Variants in ERICH6B observed in about 807,000 individuals in gnomAD.
ERICH6B encodes the protein glutamate-rich protein 6B.
Under a neutral mutation model 80.0 loss-of-function variants are expected in ERICH6B, and 69 were observed. The observed-to-expected ratio is 0.86, with a 90% CI of 0.71 to 1.05. ERICH6B has a LOEUF of 1.05. Ranked by LOEUF, ERICH6B falls within the 50% of genes least tolerant of loss-of-function variation. The probability of loss-of-function intolerance (pLI) is 0.00; values close to 1 mark genes in which losing one functional copy is unlikely to be tolerated. For missense variants in ERICH6B, 754 were observed against 796.1 expected (o/e 0.95, Z 0.64); for synonymous variants, 283 against 291.9 (o/e 0.97, Z 0.31).
intron 8 of ERICH6B, 45 bp downstream of exon 8, chr13:45,574,797 T>G: frequency 2.1e-6 from 3 of 1,441,296 alleles, no homozygotes; most frequent in South Asian, 1.2e-5. Context: ...CACCCTACAT[T>G]TGGAGGAAGC....
At position 45,541,653 on chromosome 13, in the gene ERICH6B, T is replaced by C. The variant is rs1873783216; in HGVS notation, c.1900A>G (p.Met634Val). The C allele has an allele frequency of 1.3e-6, 2 of 1,550,778 alleles. No homozygotes were observed. The highest frequency in any genetic ancestry group is 1.7e-6 in the Non-Finnish European group (2 of 1,146,992). Reference sequence around the variant, plus strand: ...GCCTCCAGGATGGTTTTCTTCTTCATTTCGCTCAGCACCTCTGGGATCACA... The same window carrying C: ...GCCTCCAGGATGGTTTTCTTCTTCACTTCGCTCAGCACCTCTGGGATCACA... ...KFVIPEVLSE[M>V]KKKTILEAEP... The change falls in exon 15 of 15, where the codon ATG becomes GTG. Residue 634 changes from methionine to valine, a missense_variant. Transcript: ENST00000298738.
Position 45,596,749 on chromosome 13 carries a change from A to G in ERICH6B, c.257T>C (p.Leu86Pro), listed in dbSNP as rs367701521. 6.4e-7 allele frequency: 1 copy of G among 1,551,418 alleles called. No individual in the cohort carries two copies. The highest frequency in any genetic ancestry group is 1.4e-5 in the African/African-American group (1 of 72,886). ...KEEYLKEEEY[L>P]GKEEHLEEEE... ...CTCCTCCAGATGCTCTTCCTTCCCC[A>G]GATACTCTTCCTCCTTCAAGTATTC... The change falls in exon 3 of 15, where the codon CTG (leucine) becomes CCG (proline). Residue 86 changes from leucine (L) to proline (P), a missense_variant. Physicochemically the swap from Leu to Pro is moderately conservative, Grantham distance 98. Transcript: ENST00000298738.
chr13:45,586,192 G>A (rs570696846), intron 5 of ERICH6B, among the ~76,000 whole-genome samples: 7 of 152,162 alleles, frequency 4.6e-5, no homozygotes, highest in Admixed American at 1.3e-4. Context: ...ACATGCTGGC[G>A]GTGTGTGCCT....
At position 45,587,159 on chromosome 13, in the gene ERICH6B, C is replaced by G; in HGVS notation, c.760G>C (p.Val254Leu). ...GAAGACTCTGTGGCAGATTCAGAGA[C>G]AGGAGAAGGGGTAGCGAAAGTCAAC... ...VPLTFATPSPVSESATESSEL... is the reference protein window; with the variant it reads ...VPLTFATPSPLSESATESSEL... Residue 254 changes from valine to leucine, a missense_variant, in exon 5 of 15, where the codon GTC becomes CTC. Val to Leu is a conservative substitution (Grantham distance 32). Coordinates refer to ENST00000298738, the MANE Select transcript of ERICH6B (RefSeq NM_182542.3). 6.4e-7 allele frequency: 1 copy of G among 1,551,602 alleles called. No homozygotes were observed. Among genetic ancestry groups the G allele is most frequent in the Non-Finnish European group, 8.7e-7 (1 of 1,146,986 alleles).
intron 9 of ERICH6B, among the ~76,000 whole-genome samples, chr13:45,567,289 G>T (rs1308407011): frequency 6.6e-6 from 1 of 152,342 alleles, no homozygotes; most frequent in East Asian, 1.9e-4. Context: ...GCTGAAATGA[G>T]TTAAGACTTT....
intron 2 of ERICH6B, among the ~76,000 whole-genome samples, chr13:45,606,539 ATATATATATTTT>A (rs1327544285): frequency 2.6e-4 from 3 of 11,446 alleles, no homozygotes; most frequent in African/African-American, 4.2e-4. Flanking sequence ...ATATATATAT[ATATATATATTTT>A]TTTTTTTTTT....
At chr13:45,588,700 A>C (rs1876029345) in intron 4 of ERICH6B, among the ~76,000 whole-genome samples, 1 of 152,116 alleles carries the variant, frequency 6.6e-6, no homozygotes, top group South Asian at 2.1e-4. Context: ...CATTTCCACT[A>C]TCATGTACTT....
intron 14 of ERICH6B, among the ~76,000 whole-genome samples, chr13:45,542,619 T>C (rs2985998): frequency 0.61 from 92,932 of 152,014 alleles, 30,499 homozygotes; most frequent in African/African-American, 0.85. Flanking sequence ...TTCCTGTCCC[T>C]GCCCTCCTCC....
At chr13:45,561,643 T>C (rs1874687465) in intron 10 of ERICH6B, 117 bp from the exon 11 acceptor site, 1 of 1,154,850 alleles carries the variant, frequency 8.7e-7, no homozygotes, top group African/African-American at 1.6e-5. Context: ...AGATCTGCCA[T>C]TTTTCCCCAG....
intron 9 of ERICH6B, among the ~76,000 whole-genome samples, 151 bp from the exon 10 acceptor site, chr13:45,563,939 G>A (rs961833847): frequency 6.6e-6 from 1 of 152,134 alleles, no homozygotes; most frequent in Admixed American, 6.5e-5. Context: ...AGCTTTCTTC[G>A]AGTCAATGCC....
At chr13:45,611,947 T>C (rs1949902136) in intron 1 of ERICH6B, among the ~76,000 whole-genome samples, 1 of 152,216 alleles carries the variant, frequency 6.6e-6, no homozygotes, top group African/African-American at 2.4e-5. Context: ...TGAAGCTACA[T>C]AGTCCAACTT....
intron 11 of ERICH6B, among the ~76,000 whole-genome samples, chr13:45,553,774 T>G (rs1874320594): frequency 1.3e-5 from 2 of 152,192 alleles, no homozygotes; most frequent in Non-Finnish European, 2.9e-5. Context: ...CTGCGACATT[T>G]AGTATACAAA....
chr13:45,589,199 A>G (rs1876054646), intron 4 of ERICH6B, among the ~76,000 whole-genome samples: 1 of 152,104 alleles, frequency 6.6e-6, no homozygotes, highest in Admixed American at 6.5e-5. Flanking sequence ...GCCTCTCAGA[A>G]CTTGGAGGCC....
chr13:45,544,715 G>A (rs1566282832), intron 14 of ERICH6B, 45 bp downstream of exon 14: 1 of 1,518,986 alleles, frequency 6.6e-7, no homozygotes, highest in Non-Finnish European at 8.9e-7. Context: ...CTTTGTACAG[G>A]TGGGCACCCC....
At chr13:45,574,814 G>A (rs1048594723) in intron 8 of ERICH6B, 28 bp downstream of exon 8, 3 of 1,508,388 alleles carry the variant, frequency 2.0e-6, no homozygotes, top group South Asian at 1.2e-5. Context: ...AAGCTGGGGG[G>A]GGGGTCTCAA....
chr13:45,578,433 T>C (rs896473306), intron 7 of ERICH6B, among the ~76,000 whole-genome samples: 1 of 152,236 alleles, frequency 6.6e-6, no homozygotes, highest in African/African-American at 2.4e-5. Flanking sequence ...GTCTACTTAC[T>C]CTTACTGTGC....
chr13:45,593,176 T>G (rs1876225132), intron 3 of ERICH6B, among the ~76,000 whole-genome samples: 2 of 152,184 alleles, frequency 1.3e-5, no homozygotes, highest in Non-Finnish European at 2.9e-5. Flanking sequence ...GAATCAACCC[T>G]TTAAGGAAGA....
intron 7 of ERICH6B, among the ~76,000 whole-genome samples, chr13:45,577,109 T>C (rs1302024613): frequency 2.0e-5 from 3 of 151,926 alleles, no homozygotes; most frequent in Non-Finnish European, 2.9e-5. Context: ...ACTTCCGGCA[T>C]GTCACTGTTG....
At chr13:45,611,427 C>G (rs1435328185) in intron 1 of ERICH6B, among the ~76,000 whole-genome samples, 1 of 152,210 alleles carries the variant, frequency 6.6e-6, no homozygotes, top group East Asian at 1.9e-4. Context: ...ATTAAAGAAG[C>G]TTTCACACAA....
Sources: gnomAD v4.1 joint callset for allele counts (sites outside exome capture counted in the v4.1 genomes callset) on GRCh38, gnomAD v4.1.1 for gene constraint, MANE v1.5 for transcripts, NCBI Gene and HGNC (gene_info 2026-07-23, HGNC 2026-07-21) for gene names.